Variants in SLC18A1 observed in about 807,000 individuals in gnomAD.
The protein encoded by SLC18A1 is solute carrier family 18 member A1, also known as chromaffin granule amine transporter.
In SLC18A1, 69 loss-of-function variants were observed where a neutral mutation model predicts 53.7. That is an observed-to-expected ratio of 1.28 (90% CI 1.06 to 1.57). The LOEUF is 1.57. SLC18A1 is among the 40% of genes most tolerant of loss of function. The pLI is 0.00. For missense variants in SLC18A1, 932 were observed against 668.1 expected (o/e 1.40, Z -4.35); for synonymous variants, 320 against 248.1 (o/e 1.29, Z -2.72).
chr8:20,154,381 G>T (rs934272803), intron 10 of SLC18A1, among the ~76,000 whole-genome samples: 2 of 152,150 alleles, frequency 1.3e-5, no homozygotes, highest in African/African-American at 4.8e-5. Flanking sequence ...TGGACCAGAT[G>T]TTGACAGCTT....
At chr8:20,150,899 A>G in intron 10 of SLC18A1, 155 bp from the exon 11 acceptor site, 1 of 653,160 alleles carries the variant, frequency 1.5e-6, no homozygotes, top group Non-Finnish European at 2.8e-6. Context: ...AACCCACAGT[A>G]GTTGCCATAG....
intron 10 of SLC18A1, among the ~76,000 whole-genome samples, chr8:20,162,241 T>C (rs2071848552): frequency 6.6e-6 from 1 of 152,262 alleles, no homozygotes; most frequent in South Asian, 2.1e-4. Flanking sequence ...TCTGGGCCAG[T>C]AATGGGAAGC....
Position 20,173,125 on chromosome 8 carries a change from A to G in SLC18A1, c.635T>C (p.Leu212Pro). The change falls in exon 6 of 16, where the codon CTT (leucine) becomes CCT (proline). Residue 212 changes from leucine (L) to proline (P), a missense_variant. Coordinates refer to ENST00000276373, the MANE Select transcript of SLC18A1 (RefSeq NM_003053.4). ...IGSSFSSVAG[L>P]GMLASVYTDD... ...AGTGTAGACACTGGCCAGCATTCCA[A>G]GACCTGCGCAGAGAGTTACAGATGC... The G allele has an allele frequency of 3.8e-6, 6 of 1,566,760 alleles. No homozygotes were observed. Among genetic ancestry groups the G allele is most frequent in the Non-Finnish European group, 5.2e-6 (6 of 1,156,114 alleles).
At chr8:20,148,296 T>C in intron 12 of SLC18A1, 1 of 597,958 alleles carries the variant, frequency 1.7e-6, no homozygotes, top group Non-Finnish European at 2.8e-6. Flanking sequence ...CTATCCAGAG[T>C]TACAGATCTA....
At chr8:20,146,782 C>G (rs747311272) in intron 15 of SLC18A1, among the ~76,000 whole-genome samples, 1 of 149,470 alleles carries the variant, frequency 6.7e-6, no homozygotes, top group African/African-American at 2.5e-5. Flanking sequence ...CGAGATCACA[C>G]TATTACACTC....
At chr8:20,161,224 G>T (rs1042514453) in intron 10 of SLC18A1, among the ~76,000 whole-genome samples, 7 of 152,108 alleles carry the variant, frequency 4.6e-5, no homozygotes, top group South Asian at 2.1e-4. Flanking sequence ...TTCAAGGTAC[G>T]ATTAATCCTG....
chr8:20,151,155 TTTGTTTG>T (rs1179317093), intron 10 of SLC18A1, among the ~76,000 whole-genome samples: 2 of 142,552 alleles, frequency 1.4e-5, no homozygotes, highest in African/African-American at 5.7e-5. Context: ...TTGTTTTTTT[TTTGTTTG>T]TTTGTTTGTT....
chr8:20,168,740 T>C (rs1252399614), intron 8 of SLC18A1, among the ~76,000 whole-genome samples: 1 of 152,160 alleles, frequency 6.6e-6, no homozygotes, highest in Admixed American at 6.5e-5. Flanking sequence ...GCTAATTTTT[T>C]TGTACTTTTA....
chr8:20,158,028 G>A lies in SLC18A1; in HGVS notation c.1015+6841C>T, dbSNP rs150405718. ...CACTGGAAGGCCCACTGTCCCAGGG[G>A]ACGAAGGTCCTCTGAGTCAGAAGCC... On this transcript the variant is annotated intron_variant, in intron 10 of 15. Coordinates refer to ENST00000276373, the MANE Select transcript of SLC18A1 (RefSeq NM_003053.4). 4.0e-3 allele frequency among the ~76,000 whole-genome samples: 614 copies of A among 152,320 alleles called. 7 individuals are homozygous for A. The highest frequency in any genetic ancestry group is 0.014 in the African/African-American group (586 of 41,560).
intron 8 of SLC18A1, among the ~76,000 whole-genome samples, chr8:20,169,125 TA>T (rs2072047087): frequency 6.6e-6 from 1 of 152,106 alleles, no homozygotes; most frequent in South Asian, 2.1e-4. Context: ...CGACGGGCAT[TA>T]AATACCTCCA....
chr8:20,157,665 ATCAC>A (rs1006979535), intron 10 of SLC18A1, among the ~76,000 whole-genome samples: 1 of 152,230 alleles, frequency 6.6e-6, no homozygotes, highest in African/African-American at 2.4e-5. Context: ...AGATAAGTTT[ATCAC>A]TCAGTCAGCT....
At position 20,165,002 on chromosome 8, in the gene SLC18A1, A is replaced by G. The variant is rs759423088; in HGVS notation, c.920-38T>C. The G allele has an allele frequency of 3.1e-6, 5 of 1,612,794 alleles. No homozygotes were observed. The African/African-American group carries it at 4.0e-5, about 13-fold the overall frequency. The stretch of plus-strand genomic sequence containing the variant: ...TTCTGTGAGCAGCCGTGGCTGCTTG[A>G]AGCCCAGACACTCCCCGCCCAATGG... On this transcript the variant is annotated intron_variant, in intron 9 of 15. Coordinates refer to ENST00000276373, the MANE Select transcript of SLC18A1 (RefSeq NM_003053.4).
At chr8:20,172,164 G>A (rs2072139243) in intron 6 of SLC18A1, among the ~76,000 whole-genome samples, 1 of 152,216 alleles carries the variant, frequency 6.6e-6, no homozygotes. Flanking sequence ...TTCTAACCCA[G>A]AAGTGACAAG....
chr8:20,145,765 ACTC>A lies in SLC18A1; in HGVS notation c.1573_1575del (p.Glu525del), dbSNP rs746000925. On this transcript the variant is annotated inframe_deletion, in exon 16 of 16. Coordinates refer to ENST00000276373, the MANE Select transcript of SLC18A1 (RefSeq NM_003053.4). ...AATTCAAGGAGCACCTTCTGCTGCTACTCCTCATGGTCAGGCTCCTCATCACTG... is the reference window on the plus strand; with the variant it reads ...AATTCAAGGAGCACCTTCTGCTGCTACTCATGGTCAGGCTCCTCATCACTG... The A allele has an allele frequency of 8.8e-5, 140 of 1,593,794 alleles. No individual in the cohort carries two copies. Among genetic ancestry groups the A allele is most frequent in the Non-Finnish European group, 1.1e-4 (134 of 1,166,732 alleles).
chr8:20,161,822 T>A (rs2071837510), intron 10 of SLC18A1, among the ~76,000 whole-genome samples: 2 of 152,152 alleles, frequency 1.3e-5, no homozygotes, highest in African/African-American at 4.8e-5. Flanking sequence ...CCCTAAGGCA[T>A]CAGGCAGCCC....
intron 10 of SLC18A1, among the ~76,000 whole-genome samples, chr8:20,157,863 G>T (rs1201812112): frequency 6.6e-6 from 1 of 152,178 alleles, no homozygotes; most frequent in Admixed American, 6.5e-5. Flanking sequence ...GACTTTGGAG[G>T]CTCTGGAATA....
intron 8 of SLC18A1, among the ~76,000 whole-genome samples, chr8:20,168,557 G>C (rs146755511): frequency 0.011 from 1,620 of 152,034 alleles, 29 homozygotes; most frequent in African/African-American, 0.037. Flanking sequence ...GAGTAAGAAA[G>C]GAATGGCTAT....
Position 20,179,704 on chromosome 8 carries a change from C to T in SLC18A1, c.125-220G>A, listed in dbSNP as rs535453278. 5.3e-5 allele frequency among the ~76,000 whole-genome samples: 8 copies of T among 152,314 alleles called. No individual in the cohort carries two copies. The South Asian group carries it at 1.4e-3, about 28-fold the overall frequency. The stretch of plus-strand genomic sequence containing the variant: ...GGTATCTGGAGTGGCATGGTTAAAA[C>T]CTACTAAAAGACTGTGCCTGCCCAA... On this transcript the variant is annotated intron_variant, in intron 2 of 15. Transcript: ENST00000276373.
chr8:20,173,251 T>C, intron 5 of SLC18A1, 123 bp from the exon 6 acceptor site: 1 of 729,012 alleles, frequency 1.4e-6, no homozygotes, highest in Non-Finnish European at 2.2e-6. Context: ...GTTTGAGGGG[T>C]TTTACAAAAC....
Sources: gnomAD v4.1 joint callset for allele counts (sites outside exome capture counted in the v4.1 genomes callset) on GRCh38, gnomAD v4.1.1 for gene constraint, MANE v1.5 for transcripts, NCBI Gene and HGNC (gene_info 2026-07-23, HGNC 2026-07-21) for gene names.